MPP4: variants seen among roughly 807,000 people sequenced by gnomAD.
MPP4 encodes MAGUK p55 scaffold protein 4, also known as MAGUK p55 subfamily member 4.
Under a neutral mutation model 98.3 loss-of-function variants are expected in MPP4, and 91 were observed. The ratio of observed to expected loss-of-function variants is 0.93; its 90% CI spans 0.78 to 1.10. The LOEUF (loss-of-function observed/expected upper bound fraction) is 1.10. Ranked by LOEUF, MPP4 falls within the 50% of genes least tolerant of loss-of-function variation. MPP4 has a pLI of 0.00. For synonymous variants in MPP4, 261 were observed against 271.8 expected (o/e 0.96, Z 0.39); for missense variants, 744 against 792.9 (o/e 0.94, Z 0.74).
Position 201,698,580 on chromosome 2 carries a change from C to T in MPP4, c.-101+7G>A. 2 of 1,303,774 alleles carry T rather than the reference C, an allele frequency of 1.5e-6. No individual in the cohort carries two copies. Among genetic ancestry groups the T allele is most frequent in the South Asian group, 1.2e-5 (1 of 80,762 alleles). The allele number at this position is 1,303,774 out of a possible 1,614,324, so 80.8% of individuals were successfully genotyped here. A position where few individuals can be genotyped will look rare whatever the true frequency, so the allele number is the denominator to read the frequency against. ...GTAACTGAGGATTATTTGCCAAGGT[C>T]TCTTACCTGCAAGACTGTAAACATG... On this transcript the variant is annotated splice_region_variant and intron_variant, in intron 1 of 21. Coordinates refer to ENST00000409474, the MANE Select transcript of MPP4 (RefSeq NM_033066.3).
intron 10 of MPP4, chr2:201,680,549 T>C: frequency 3.2e-6 from 1 of 315,316 alleles, no homozygotes; most frequent in Admixed American, 4.1e-5. Context: ...TCTCAACATA[T>C]GAATTTTGGA....
chr2:201,684,303 A>G (rs566734474), intron 7 of MPP4, among the ~76,000 whole-genome samples: 1 of 152,218 alleles, frequency 6.6e-6, no homozygotes, highest in African/African-American at 2.4e-5. Flanking sequence ...AGCAAAAGGC[A>G]TTTCAAGATG....
chr2:201,692,766 G>A, intron 3 of MPP4, 142 bp downstream of exon 3: 1 of 1,250,852 alleles, frequency 8.0e-7, no homozygotes, highest in Non-Finnish European at 1.1e-6. Context: ...GGACTTCCTG[G>A]CCTACAGAAC....
chr2:201,661,966 A>C (rs1688040961), intron 14 of MPP4: 1 of 315,774 alleles, frequency 3.2e-6, no homozygotes, highest in African/African-American at 2.2e-5. Context: ...AAGTATAAAT[A>C]ATCAATTAAA....
At chr2:201,665,484 C>G (rs1688153765) in intron 13 of MPP4, 1 of 152,050 alleles carries the variant, frequency 6.6e-6, no homozygotes, top group Non-Finnish European at 1.5e-5. Flanking sequence ...AGAGGAACTT[C>G]TTACTGAATA....
At chr2:201,684,648 G>A (rs1242051203) in intron 7 of MPP4, among the ~76,000 whole-genome samples, 3 of 152,176 alleles carry the variant, frequency 2.0e-5, no homozygotes, top group Non-Finnish European at 2.9e-5. Flanking sequence ...CCTGACCCAA[G>A]TTAAGAAAGA....
intron 7 of MPP4, 106 bp downstream of exon 7, chr2:201,684,958 A>G (rs112936519): frequency 3.2e-5 from 29 of 911,518 alleles, no homozygotes; most frequent in Admixed American, 1.3e-4. Context: ...AAAAAAAAAA[A>G]AAGAAAAAAA....
At position 201,685,912 on chromosome 2, in the gene MPP4, TC is replaced by T. The variant is rs1688815982; in HGVS notation, c.492+6del. Reference sequence around the variant, plus strand: ...CTAAATGGAAAGATAAAAAATGATTTCCTTACCAGGGGCTGTTGGTTTTTCA... The same window carrying T: ...CTAAATGGAAAGATAAAAAATGATTTCTTACCAGGGGCTGTTGGTTTTTCA... On this transcript the variant is annotated splice_donor_region_variant and intron_variant, in intron 6 of 21. Transcript: ENST00000409474. 6.2e-7 allele frequency: 1 copy of T among 1,609,398 alleles called. No homozygotes were observed. The highest frequency in any genetic ancestry group is 1.3e-5 in the African/African-American group (1 of 74,936).
At chr2:201,664,129 A>G (rs769618212) in intron 13 of MPP4, 28 bp from the exon 14 acceptor site, 1 of 1,533,242 alleles carries the variant, frequency 6.5e-7, no homozygotes. Flanking sequence ...GGCAAAAATC[A>G]AAAATGTTAT....
intron 9 of MPP4, 128 bp from the exon 10 acceptor site, chr2:201,681,162 C>T: frequency 3.2e-6 from 3 of 939,806 alleles, no homozygotes; most frequent in Non-Finnish European, 4.7e-6. Flanking sequence ...CCTATCTTTC[C>T]TCTCCACCCT....
chr2:201,658,359 GA>G, intron 16 of MPP4, 117 bp downstream of exon 16: 1 of 769,234 alleles, frequency 1.3e-6, no homozygotes, highest in Non-Finnish European at 2.1e-6. Flanking sequence ...AAGGAAACTA[GA>G]ATGAGGAACA....
At chr2:201,649,499 A>G in intron 20 of MPP4, 77 bp downstream of exon 20, 4 of 1,023,926 alleles carry the variant, frequency 3.9e-6, no homozygotes. Flanking sequence ...TCTCAACTAT[A>G]ACCTACAGCA....
At chr2:201,688,572 A>C (rs2105946018) in intron 4 of MPP4, among the ~76,000 whole-genome samples, 1 of 152,272 alleles carries the variant, frequency 6.6e-6, no homozygotes, top group East Asian at 1.9e-4. Context: ...TGGCGAGTGC[A>C]AAGGGCCCCA....
intron 1 of MPP4, among the ~76,000 whole-genome samples, chr2:201,694,897 A>G (rs1220012558): frequency 6.6e-6 from 1 of 152,036 alleles, no homozygotes; most frequent in East Asian, 1.9e-4. Context: ...AATAGGTGTG[A>G]GCCATCGCAC....
At position 201,692,983 on chromosome 2, in the gene MPP4, G is replaced by C; in HGVS notation, c.126C>G (p.Phe42Leu). 1 of 1,613,150 alleles carries C rather than the reference G, an allele frequency of 6.2e-7. No individual in the cohort carries two copies. Among genetic ancestry groups the C allele is most frequent in the Non-Finnish European group, 8.5e-7 (1 of 1,179,608 alleles). Reference protein sequence around the residue: ...LRLVLQELSLFYGRDVNGVCL... With the variant: ...LRLVLQELSLLYGRDVNGVCL... ...ACACTCCATTCACATCTCTGCCGTA[G>C]AACAGACTCAGCTCTTGCAGCACAA... Residue 42 changes from phenylalanine (F) to leucine (L), a missense_variant, in exon 3 of 22, where the codon TTC (phenylalanine) becomes TTG (leucine). Transcript: ENST00000409474.
At chr2:201,666,218 T>C in intron 13 of MPP4, 116 bp downstream of exon 13, 1 of 756,992 alleles carries the variant, frequency 1.3e-6, no homozygotes, top group Non-Finnish European at 2.0e-6. Flanking sequence ...AGGGTCATTT[T>C]ACACATTTCT....
chr2:201,666,128 A>G (rs1042581807), intron 13 of MPP4: 1 of 434,084 alleles, frequency 2.3e-6, no homozygotes, highest in Non-Finnish European at 4.1e-6. Flanking sequence ...AACATTTTCT[A>G]GTAGATCAGT....
chr2:201,664,348 T>C lies in MPP4; in HGVS notation c.1052-247A>G, dbSNP rs147268018. 1.1e-5 allele frequency: 15 copies of C among 1,401,998 alleles called. No individual in the cohort carries two copies. In the East Asian group the frequency reaches 4.6e-4, roughly 43 times the overall value. 86.8% of individuals were successfully genotyped at this position (1,401,998 alleles called of 1,614,324 possible). On this transcript the variant is annotated intron_variant, in intron 13 of 21. Coordinates refer to ENST00000409474, the MANE Select transcript of MPP4 (RefSeq NM_033066.3). ...GGGTGCAGCAGGAGCTCAAAATAAA[T>C]AAAATAATAGAAGGTGAATAAAATA...
intron 1 of MPP4, among the ~76,000 whole-genome samples, chr2:201,695,274 G>A (rs1338183696): frequency 6.6e-6 from 1 of 152,044 alleles, no homozygotes; most frequent in African/African-American, 2.4e-5. Flanking sequence ...GGGGAGGAAG[G>A]GATTAAGAAA....
Sources: allele counts gnomAD v4.1 joint callset (sites outside exome capture counted in the v4.1 genomes callset), GRCh38; gene constraint gnomAD v4.1.1; transcripts MANE v1.5; gene names NCBI Gene and HGNC (gene_info 2026-07-23, HGNC 2026-07-21).